Variants in CR1L observed in about 807,000 individuals in gnomAD.
CR1L encodes complement component receptor 1-like protein.
In CR1L, 59 loss-of-function variants were observed where a neutral mutation model predicts 62.3. The ratio of observed to expected loss-of-function variants is 0.95; its 90% CI spans 0.77 to 1.18. The LOEUF (loss-of-function observed/expected upper bound fraction) is 1.18, where lower values mean the gene tolerates loss of function less well. CR1L is among the 50% of genes most tolerant of loss of function. The probability of loss-of-function intolerance (pLI) is 0.00; values close to 1 mark genes in which losing one functional copy is unlikely to be tolerated. For missense variants in CR1L, 700 were observed against 702.8 expected, an observed-to-expected ratio of 1.00 and a Z score of 0.04; for synonymous variants, 279 against 248.7, an observed-to-expected ratio of 1.12 and a Z score of -1.15.
chr1:207,684,242 C>G (rs1158459061), intron 4 of CR1L, among the ~76,000 whole-genome samples: 3 of 152,130 alleles, frequency 2.0e-5, no homozygotes, highest in Admixed American at 1.3e-4. Context: ...CTACCACCTC[C>G]AGTATAATAA....
chr1:207,708,556 C>A (rs1223120674), intron 10 of CR1L, among the ~76,000 whole-genome samples: 4 of 152,232 alleles, frequency 2.6e-5, no homozygotes, highest in African/African-American at 9.6e-5. Flanking sequence ...AGAGCATTTT[C>A]TTTGGTGAAG....
At chr1:207,671,385 C>T (rs1319689514) in intron 1 of CR1L, among the ~76,000 whole-genome samples, 1 of 150,712 alleles carries the variant, frequency 6.6e-6, no homozygotes, top group African/African-American at 2.5e-5. Flanking sequence ...AATCCAGAAA[C>T]AGGTTGCATA....
chr1:207,696,550 A>C (rs141338961), intron 5 of CR1L, among the ~76,000 whole-genome samples: 1,826 of 152,284 alleles, frequency 0.012, 52 homozygotes, highest in African/African-American at 0.042. Context: ...TTGATTAGTC[A>C]AGGGAAACAC....
At chr1:207,707,110 G>T (rs1235961096) in intron 9 of CR1L, among the ~76,000 whole-genome samples, 3 of 151,990 alleles carry the variant, frequency 2.0e-5, no homozygotes, top group Non-Finnish European at 4.4e-5. Flanking sequence ...ATTCCTAATT[G>T]GAAAAAATAT....
intron 1 of CR1L, chr1:207,669,337 C>T (rs1022554810): frequency 9.1e-5 from 66 of 724,222 alleles, no homozygotes; most frequent in Non-Finnish European, 1.2e-4. Context: ...CCTCCCCATG[C>T]TCTGGGCGCG....
At chr1:207,709,099 T>G (rs1312858442) in intron 10 of CR1L, 1 of 237,562 alleles carries the variant, frequency 4.2e-6, no homozygotes, top group African/African-American at 2.3e-5. Flanking sequence ...TTGTTCTTAT[T>G]ATTTAATAAA....
chr1:207,659,908 G>C (rs1663381887), intron 1 of CR1L, among the ~76,000 whole-genome samples: 1 of 152,258 alleles, frequency 6.6e-6, no homozygotes, highest in African/African-American at 2.4e-5. Flanking sequence ...TGCTAGTGCA[G>C]CAGTGTGAGA....
intron 1 of CR1L, among the ~76,000 whole-genome samples, chr1:207,652,204 G>A (rs1438342292): frequency 6.6e-6 from 1 of 152,210 alleles, no homozygotes; most frequent in African/African-American, 2.4e-5. Flanking sequence ...TACTGTAGAT[G>A]ACTTCTTAGA....
chr1:207,701,409 C>T (rs148586853), intron 8 of CR1L, 110 bp from the exon 9 acceptor site: 1 of 1,387,218 alleles, frequency 7.2e-7, no homozygotes, highest in Non-Finnish European at 1.0e-6. Context: ...ATCTGTGGAA[C>T]TATCAGAACT....
intron 1 of CR1L, among the ~76,000 whole-genome samples, chr1:207,649,613 T>TTGGTAGTGGTTCAGCAGTG (rs1183931132): frequency 6.6e-6 from 1 of 152,030 alleles, no homozygotes; most frequent in African/African-American, 2.4e-5. Flanking sequence ...GGGAAGCAGT[T>TTGGTAGTGGTTCAGCAGTG]TGGTAGTGGT....
At position 207,717,703 on chromosome 1, in the gene CR1L, C is replaced by T; in HGVS notation, c.1642+12C>T. The T allele has an allele frequency of 6.2e-7, 1 of 1,613,766 alleles. No individual in the cohort carries two copies. The highest frequency in any genetic ancestry group is 8.5e-7 in the Non-Finnish European group (1 of 1,179,700). ...TCCTGTTGGTGCTGGTCAGTATCCG[C>T]TTCCACATATCCTAAATGGGTTCAG... On this transcript the variant is annotated intron_variant, in intron 11 of 11. Coordinates refer to ENST00000508064, the MANE Select transcript of CR1L (RefSeq NM_175710.2).
chr1:207,703,379 T>C (rs1406479721), intron 9 of CR1L, among the ~76,000 whole-genome samples: 1 of 152,220 alleles, frequency 6.6e-6, no homozygotes, highest in Non-Finnish European at 1.5e-5. Flanking sequence ...TTAAGAATTA[T>C]GCTAAATGTA....
At chr1:207,705,248 C>T (rs1014533640) in intron 9 of CR1L, among the ~76,000 whole-genome samples, 4 of 152,218 alleles carry the variant, frequency 2.6e-5, no homozygotes, top group African/African-American at 7.2e-5. Flanking sequence ...ACCTTAATGA[C>T]CTCAGCTTAA....
intron 5 of CR1L, among the ~76,000 whole-genome samples, chr1:207,695,203 G>A (rs961165400): frequency 6.6e-6 from 1 of 152,104 alleles, no homozygotes; most frequent in South Asian, 2.1e-4. Context: ...ATGGCTTACT[G>A]CAACCGCCAC....
chr1:207,708,980 A>G (rs1664311601), intron 10 of CR1L: 1 of 343,180 alleles, frequency 2.9e-6, no homozygotes, highest in Non-Finnish European at 5.7e-6. Flanking sequence ...ATGGCTGTAG[A>G]TCAGTATCCA....
At chr1:207,697,969 C>G (rs994585517) in intron 7 of CR1L, 96 bp downstream of exon 7, 132 of 1,532,088 alleles carry the variant, frequency 8.6e-5, no homozygotes, top group Non-Finnish European at 1.2e-4. Context: ...AAAAGACAGA[C>G]AGACAGACAC....
chr1:207,715,338 G>A (rs767549193), intron 10 of CR1L: 47 of 1,596,968 alleles, frequency 2.9e-5, no homozygotes, highest in Non-Finnish European at 3.9e-5. Context: ...AGGTCTGCTA[G>A]TCATTGTGTC....
chr1:207,650,462 A>G (rs1571640641), intron 1 of CR1L, among the ~76,000 whole-genome samples: 2 of 152,196 alleles, frequency 1.3e-5, no homozygotes, highest in East Asian at 3.9e-4. Context: ...GAGGAGTTTA[A>G]CAAGGAGGAG....
intron 10 of CR1L, among the ~76,000 whole-genome samples, chr1:207,709,957 G>A (rs2102478670): frequency 6.6e-6 from 1 of 152,214 alleles, no homozygotes; most frequent in South Asian, 2.1e-4. Flanking sequence ...CTGTACATTA[G>A]TAAATATTAG....
Sources: gnomAD v4.1 joint callset for allele counts (sites outside exome capture counted in the v4.1 genomes callset) on GRCh38, gnomAD v4.1.1 for gene constraint, MANE v1.5 for transcripts, NCBI Gene and HGNC (gene_info 2026-07-23, HGNC 2026-07-21) for gene names.